The following USP15 variants were observed in gnomAD, a reference collection of about 807,000 sequenced individuals.
USP15 encodes ubiquitin carboxyl-terminal hydrolase 15.
USP15 carries 18 observed loss-of-function variants against 127.1 expected under a neutral mutation model. The ratio of observed to expected loss-of-function variants is 0.14; its 90% CI spans 0.10 to 0.21. USP15 has a LOEUF of 0.21. Among genes scored for constraint, USP15 ranks in the 10% least tolerant of loss-of-function variants. The pLI, the probability that USP15 is intolerant of heterozygous loss-of-function variation, is 1.00. For missense variants in USP15, 805 were observed against 1,159.9 expected (o/e 0.69, Z 4.44); for synonymous variants, 364 against 393.7 (o/e 0.92, Z 0.89).
At chr12:62,267,222 C>G (rs993918953) in intron 1 of USP15, 1 of 152,114 alleles carries the variant, frequency 6.6e-6, no homozygotes, top group African/African-American at 2.4e-5. Context: ...GAAGCCACTT[C>G]GCCAGACTCG....
At chr12:62,300,438 A>G (rs2064276030) in intron 2 of USP15, among the ~76,000 whole-genome samples, 3 of 152,168 alleles carry the variant, frequency 2.0e-5, no homozygotes, top group South Asian at 2.1e-4. Flanking sequence ...TGGAAATTCA[A>G]ATGACAGAAT....
At chr12:62,353,094 T>C (rs994852423) in intron 7 of USP15, among the ~76,000 whole-genome samples, 1 of 152,010 alleles carries the variant, frequency 6.6e-6, no homozygotes, top group East Asian at 1.9e-4. Flanking sequence ...ATATTTTCCA[T>C]GACAAGCCTT....
intron 8 of USP15, among the ~76,000 whole-genome samples, chr12:62,377,847 T>G (rs1445085454): frequency 2.6e-5 from 4 of 152,188 alleles, no homozygotes; most frequent in Non-Finnish European, 5.9e-5. Context: ...CATTTATGCC[T>G]TGAAATTTAG....
intron 1 of USP15, among the ~76,000 whole-genome samples, chr12:62,287,702 G>A (rs1171247350): frequency 6.6e-6 from 1 of 152,056 alleles, no homozygotes; most frequent in Non-Finnish European, 1.5e-5. Flanking sequence ...AAAGTTTCAA[G>A]ATCTTGAATA....
At chr12:62,344,669 A>G (rs1171662249) in intron 6 of USP15, among the ~76,000 whole-genome samples, 4 of 152,190 alleles carry the variant, frequency 2.6e-5, no homozygotes, top group Non-Finnish European at 5.9e-5. Context: ...GAGGTTCTCC[A>G]TGAGGACCCC....
chr12:62,355,496 TG>T, intron 8 of USP15, 21 bp downstream of exon 8: 1 of 1,570,816 alleles, frequency 6.4e-7, no homozygotes, highest in Non-Finnish European at 8.6e-7. Context: ...GTAAACAAAA[TG>T]AAACTCATGT....
At chr12:62,265,556 T>A (rs1427027681) in intron 1 of USP15, among the ~76,000 whole-genome samples, 1 of 152,142 alleles carries the variant, frequency 6.6e-6, no homozygotes, top group East Asian at 1.9e-4. Flanking sequence ...TTTAAAAAAA[T>A]TTTTTCTAGA....
chr12:62,337,833 AG>A (rs1464997203), intron 6 of USP15, among the ~76,000 whole-genome samples: 2 of 152,168 alleles, frequency 1.3e-5, no homozygotes, highest in Admixed American at 1.3e-4. Context: ...ATGGCTGCAT[AG>A]TATTCCATGG....
At chr12:62,353,991 A>G (rs1040822051) in intron 7 of USP15, among the ~76,000 whole-genome samples, 3 of 151,846 alleles carry the variant, frequency 2.0e-5, no homozygotes, top group Non-Finnish European at 4.4e-5. Context: ...ATTTTTTCAG[A>G]GTTGAGGAGT....
intron 3 of USP15, among the ~76,000 whole-genome samples, chr12:62,307,518 T>G (rs1046847171): frequency 6.6e-6 from 1 of 152,136 alleles, no homozygotes; most frequent in African/African-American, 2.4e-5. Context: ...AAAACTTGTC[T>G]CTTAGTTCAC....
At chr12:62,262,944 A>T (rs2063108536) in intron 1 of USP15, among the ~76,000 whole-genome samples, 1 of 152,244 alleles carries the variant, frequency 6.6e-6, no homozygotes, top group Non-Finnish European at 1.5e-5. Flanking sequence ...CAAGAGAAAG[A>T]TGGTACTGGG....
At chr12:62,375,133 C>T (rs2066785831) in intron 8 of USP15, among the ~76,000 whole-genome samples, 1 of 152,002 alleles carries the variant, frequency 6.6e-6, no homozygotes, top group Non-Finnish European at 1.5e-5. Context: ...ATTTTTATGT[C>T]TGCTTCGAGG....
At position 62,315,046 on chromosome 12, in the gene USP15, A is replaced by G. The variant is rs990251643; in HGVS notation, c.475+130A>G. 3.5e-6 allele frequency: 3 copies of G among 858,712 alleles called. No individual in the cohort carries two copies. The Admixed American group carries it at 9.9e-5, about 28-fold the overall frequency. The allele number at this position is 858,712 out of a possible 1,614,324, so 53.2% of individuals were successfully genotyped here. Reference sequence around the variant, plus strand: ...TATAGACATTTGATTTCCAGCTTTGATACAATGTCTTAGAGTTAAATTATT... The same window carrying G: ...TATAGACATTTGATTTCCAGCTTTGGTACAATGTCTTAGAGTTAAATTATT... On this transcript the variant is annotated intron_variant, in intron 4 of 21. Transcript: ENST00000280377.
rs1438565064 is a variant in USP15 at position 62,404,331 on chromosome 12, A to G, written c.2902A>G (p.Asn968Asp). The G allele has an allele frequency of 2.5e-6, 4 of 1,612,802 alleles. No homozygotes were observed. In the South Asian group the frequency reaches 3.3e-5, roughly 13 times the overall value. ...AGAAAGTGATGAAGATAGCAATGAT[A>G]ATGACAATGATATAGAAAATGAAAA... is the stretch of plus-strand genomic sequence containing the variant. ...PLESDEDSND[N>D]DNDIENENCM... Residue 968 changes from asparagine (N) to aspartate (D), a missense_variant, in exon 22 of 22, where the codon AAT (asparagine) becomes GAT (aspartate). This residue lies in a region of USP15 where 116 missense variants were observed against 157.2 expected (regional missense o/e 0.74). Transcript: ENST00000280377.
chr12:62,398,613 C>A (rs1021583697), intron 20 of USP15, among the ~76,000 whole-genome samples: 2 of 152,142 alleles, frequency 1.3e-5, no homozygotes, highest in Non-Finnish European at 2.9e-5. Context: ...TCACTTCATT[C>A]TTACCTTTAT....
At chr12:62,298,186 T>A (rs2064193631) in intron 2 of USP15, among the ~76,000 whole-genome samples, 1 of 152,106 alleles carries the variant, frequency 6.6e-6, no homozygotes, top group African/African-American at 2.4e-5. Flanking sequence ...TGTATGGAAG[T>A]TCCAGAAGGA....
chr12:62,338,341 A>C (rs1054244282), intron 6 of USP15, among the ~76,000 whole-genome samples: 1 of 151,842 alleles, frequency 6.6e-6, no homozygotes, highest in African/African-American at 2.4e-5. Context: ...TTCTCATGTA[A>C]ATTTGTTTAT....
chr12:62,345,367 A>G (rs1001329785), intron 6 of USP15, among the ~76,000 whole-genome samples: 1 of 152,118 alleles, frequency 6.6e-6, no homozygotes, highest in Admixed American at 6.6e-5. Context: ...CCTCATTTCC[A>G]TCTGAGACTA....
intron 1 of USP15, among the ~76,000 whole-genome samples, chr12:62,281,014 A>G (rs1426542456): frequency 1.3e-5 from 2 of 152,234 alleles, no homozygotes; most frequent in African/African-American, 4.8e-5. Flanking sequence ...TATAAGGATT[A>G]AGAATACCAT....
Sources: allele counts gnomAD v4.1 joint callset (sites outside exome capture counted in the v4.1 genomes callset), GRCh38; gene constraint gnomAD v4.1.1; regional missense constraint gnomAD v4.1.1; transcripts MANE v1.5; gene names NCBI Gene and HGNC (gene_info 2026-07-23, HGNC 2026-07-21).